The following KRI1 variants were observed in gnomAD, a reference collection of about 807,000 sequenced individuals.
KRI1 encodes the protein KRI1 homolog, also known as protein KRI1 homolog.
A neutral mutation model predicts 97.0 loss-of-function variants in KRI1; 83 were observed. That is an observed-to-expected ratio of 0.86 (90% CI 0.72 to 1.03). The LOEUF (loss-of-function observed/expected upper bound fraction) is 1.03, where lower values mean the gene tolerates loss of function less well. Ranked by LOEUF, KRI1 falls within the 50% of genes least tolerant of loss-of-function variation. The pLI is 0.00. For missense variants in KRI1, 916 were observed against 928.4 expected, an observed-to-expected ratio of 0.99 and a Z score of 0.17; for synonymous variants, 371 against 363.5, an observed-to-expected ratio of 1.02 and a Z score of -0.23.
chr19:10,560,096 GAGGCATGAAAGTCTTGAAGCCGA>G (rs1208605939), intron 9 of KRI1, among the ~76,000 whole-genome samples, 160 bp from the exon 10 acceptor site: 1 of 152,234 alleles, frequency 6.6e-6, no homozygotes, highest in Non-Finnish European at 1.5e-5. Context: ...TGGGGAAACT[GAGGCATGAAAGTCTTGAAGCCGA>G]ACCAGGATTT....
At chr19:10,564,887 G>C in intron 3 of KRI1, 42 bp downstream of exon 3, 7 of 1,272,560 alleles carry the variant, frequency 5.5e-6, no homozygotes, top group Non-Finnish European at 8.1e-6. Context: ...CCCGGATTCT[G>C]CTCCAGAGGA....
intron 18 of KRI1, among the ~76,000 whole-genome samples, chr19:10,554,847 C>G (rs1916447265): frequency 6.8e-6 from 1 of 146,864 alleles, no homozygotes; most frequent in Admixed American, 6.8e-5. Context: ...TCATTTCATC[C>G]TCTGCAACTT....
chr19:10,561,910 C>G, intron 4 of KRI1, 65 bp from the exon 5 acceptor site: 1 of 1,465,898 alleles, frequency 6.8e-7, no homozygotes, highest in Non-Finnish European at 9.5e-7. Context: ...CATGCCCATG[C>G]GGAGCAGCTA....
At chr19:10,565,811 G>GCTCC in intron 1 of KRI1, 21 bp from the exon 2 acceptor site, 2 of 1,521,398 alleles carry the variant, frequency 1.3e-6, no homozygotes, top group South Asian at 1.2e-5. Flanking sequence ...CAGACGGGAT[G>GCTCC]CCCCCCCCCA....
chr19:10,562,682 T>G (rs1916736982), intron 4 of KRI1, 47 bp downstream of exon 4: 3 of 1,152,600 alleles, frequency 2.6e-6, no homozygotes, highest in African/African-American at 1.5e-5. Context: ...CCCATAGACC[T>G]GACAGGGCTG....
chr19:10,561,844 T>C lies in KRI1; in HGVS notation c.385A>G (p.Lys129Glu). 6.2e-7 allele frequency: 1 copy of C among 1,613,786 alleles called. No homozygotes were observed. The highest frequency in any genetic ancestry group is 2.2e-5 in the East Asian group (1 of 44,868). Residue 129 changes from lysine to glutamate, a missense_variant and splice_region_variant, in exon 5 of 19, where the codon AAA (lysine) becomes GAA (glutamate). Physicochemically the swap from Lys to Glu is moderately conservative, Grantham distance 56. Around this residue, in one of 3 missense-constraint regions of KRI1, gnomAD observed 71 missense variants for 108.1 expected, o/e 0.66. Coordinates refer to ENST00000312962, the MANE Select transcript of KRI1 (RefSeq NM_023008.5). ...TCTGAGTTCTCCTCATCAACATATT[T>C]GCTGTAAAGGAAAAGTGGGGTCTTC... ...ERKVILEKAG[K>E]YVDEENSDGE...
Position 10,554,393 on chromosome 19 carries a change from C to T in KRI1, c.1782-112G>A, listed in dbSNP as rs997526463. On this transcript the variant is annotated intron_variant, in intron 18 of 18. Transcript: ENST00000312962. ...AAGGAGGGGCATAGTGAAGCAGCCG[C>T]ACAGCGACCGAGGGCCTGCCTGGGA... 4.3e-5 allele frequency: 40 copies of T among 925,992 alleles called. No individual in the cohort carries two copies. The African/African-American group carries it at 6.5e-4, about 15-fold the overall frequency. 57.4% of individuals were successfully genotyped at this position (925,992 alleles called of 1,614,324 possible). A position where few individuals can be genotyped will look rare whatever the true frequency, so the allele number is the denominator to read the frequency against.
chr19:10,565,817 C>CG, intron 1 of KRI1, 27 bp from the exon 2 acceptor site: 2 of 1,552,772 alleles, frequency 1.3e-6, no homozygotes, highest in Middle Eastern at 1.7e-4. Context: ...GGATGCCCCC[C>CG]CCCAGGTCAG....
intron 1 of KRI1, 22 bp from the exon 2 acceptor site, chr19:10,565,812 C>CG (rs1555750199): frequency 2.4e-4 from 311 of 1,276,478 alleles, no homozygotes; most frequent in Non-Finnish European, 3.0e-4. Context: ...AGACGGGATG[C>CG]CCCCCCCCAG....
Position 10,565,791 on chromosome 19 carries a change from C to T in KRI1, c.95-1G>A. 1 of 1,566,566 alleles carries T rather than the reference C, an allele frequency of 6.4e-7. No individual in the cohort carries two copies. The highest frequency in any genetic ancestry group is 1.2e-5 in the South Asian group (1 of 86,168). ...TCTCGGTCCCCGTAGCGATCCTTCACTGCGGGACACAGACGGGATGCCCCC... is the reference window on the plus strand; with the variant it reads ...TCTCGGTCCCCGTAGCGATCCTTCATTGCGGGACACAGACGGGATGCCCCC... On this transcript the variant is annotated splice_acceptor_variant, in intron 1 of 18. Coordinates refer to ENST00000312962, the MANE Select transcript of KRI1 (RefSeq NM_023008.5). LOFTEE classifies it high-confidence loss of function.
intron 8 of KRI1, 56 bp from the exon 9 acceptor site, chr19:10,560,504 G>T: frequency 7.5e-7 from 1 of 1,340,050 alleles, no homozygotes; most frequent in Non-Finnish European, 1.0e-6. Flanking sequence ...AGGAGGGCAG[G>T]CATGCTCACC....
chr19:10,555,071 A>G lies in KRI1; in HGVS notation c.1781+16T>C. 2 of 1,608,748 alleles carry G rather than the reference A, an allele frequency of 1.2e-6. No individual in the cohort carries two copies. The highest frequency in any genetic ancestry group is 1.7e-6 in the Non-Finnish European group (2 of 1,175,732). The stretch of plus-strand genomic sequence containing the variant: ...ACAGGCTCCCCACCCACGCTTCCCC[A>G]GCCAGCACTGCTTACTCTTCTCGGC... On this transcript the variant is annotated intron_variant, in intron 18 of 18. Coordinates refer to ENST00000312962, the MANE Select transcript of KRI1 (RefSeq NM_023008.5).
chr19:10,557,540 C>G lies in KRI1; in HGVS notation c.1617+12G>C, dbSNP rs536447005. On this transcript the variant is annotated intron_variant, in intron 16 of 18. Transcript: ENST00000312962. ...GCCCCCTGCAGTGTCCCTGCCTGCC[C>G]GGGGCCCCTACCTCCTCAGTGCTGA... 1.2e-6 allele frequency: 2 copies of G among 1,611,314 alleles called. No individual in the cohort carries two copies. The highest frequency in any genetic ancestry group is 2.2e-5 in the East Asian group (1 of 44,830).
At chr19:10,556,767 G>C (rs982765435) in intron 16 of KRI1, among the ~76,000 whole-genome samples, 2 of 152,126 alleles carry the variant, frequency 1.3e-5, no homozygotes, top group Non-Finnish European at 2.9e-5. Flanking sequence ...AAAGCAGGAA[G>C]CTTGTTTAGG....
intron 2 of KRI1, chr19:10,565,373 C>T (rs957052789): frequency 1.9e-6 from 1 of 518,672 alleles, no homozygotes; most frequent in Non-Finnish European, 3.4e-6. Flanking sequence ...AGGATCAGGG[C>T]TGATGTGAGA....
chr19:10,562,890 T>A, intron 3 of KRI1, 53 bp from the exon 4 acceptor site: 1 of 1,134,622 alleles, frequency 8.8e-7, no homozygotes, highest in Middle Eastern at 1.9e-4. Flanking sequence ...TTCTTTGCCG[T>A]GGCAGAGAAT....
At position 10,565,816 on chromosome 19, in the gene KRI1, C is replaced by CCCA. The variant is rs1555750215; in HGVS notation, c.95-27_95-26insTGG. The stretch of plus-strand genomic sequence containing the variant: ...CTGCGGGACACAGACGGGATGCCCC[C>CCCA]CCCCAGGTCAGCCGGCGGGGCCACT... On this transcript the variant is annotated intron_variant, in intron 1 of 18. Transcript: ENST00000312962. 55 of 1,550,288 alleles carry CCCA rather than the reference C, an allele frequency of 3.5e-5. No homozygotes were observed. In the East Asian group the frequency reaches 6.8e-4, roughly 19 times the overall value.
chr19:10,561,554 A>T, intron 6 of KRI1, 113 bp downstream of exon 6: 2 of 1,059,136 alleles, frequency 1.9e-6, no homozygotes, highest in East Asian at 4.7e-5. Context: ...CGTTTAACTG[A>T]TGAGGAAACT....
At chr19:10,560,196 C>T in intron 9 of KRI1, 116 bp downstream of exon 9, 2 of 1,436,008 alleles carry the variant, frequency 1.4e-6, no homozygotes, top group Middle Eastern at 1.8e-4. Flanking sequence ...CTAACTCTGC[C>T]ACCATCTGTG....
Sources: gnomAD v4.1 joint callset for allele counts (sites outside exome capture counted in the v4.1 genomes callset) on GRCh38, gnomAD v4.1.1 for gene constraint, gnomAD v4.1.1 regional missense constraint, MANE v1.5 for transcripts, NCBI Gene and HGNC (gene_info 2026-07-23, HGNC 2026-07-21) for gene names.